The following CFAP221 variants were observed in gnomAD, a reference collection of about 807,000 sequenced individuals.
CFAP221 encodes the protein cilia and flagella associated protein 221, also known as cilia- and flagella-associated protein 221.
A neutral mutation model predicts 113.1 loss-of-function variants in CFAP221; 97 were observed. That is an observed-to-expected ratio of 0.86 (90% CI 0.73 to 1.02). CFAP221 has a LOEUF of 1.02. Among genes scored for constraint, CFAP221 ranks in the 50% least tolerant of loss-of-function variants. CFAP221 has a pLI of 0.00. For missense variants in CFAP221, 1,025 were observed against 1,013.4 expected (o/e 1.01, Z -0.16); for synonymous variants, 331 against 354.4 (o/e 0.93, Z 0.74).
chr2:119,630,802 G>C lies in CFAP221; in HGVS notation c.1875G>C (p.Gln625His). 6.2e-7 allele frequency: 1 copy of C among 1,613,222 alleles called. No individual in the cohort carries two copies. The highest frequency in any genetic ancestry group is 8.5e-7 in the Non-Finnish European group (1 of 1,179,282). The stretch of plus-strand genomic sequence containing the variant: ...CCACCATCACAGCCCTTCCGAAACA[G>C]GACTCCACAACTCAGCTCTCTGGCA... Reference protein sequence around the residue: ...EVTTITALPKQDSTTQLSGKT... With the variant: ...EVTTITALPKHDSTTQLSGKT... The change falls in exon 19 of 24, where the codon CAG becomes CAC. Residue 625 changes from glutamine to histidine, a missense_variant. Transcript: ENST00000413369.
At chr2:119,601,132 G>C in intron 7 of CFAP221, 86 bp from the exon 8 acceptor site, 1 of 1,275,672 alleles carries the variant, frequency 7.8e-7, no homozygotes, top group Non-Finnish European at 1.0e-6. Context: ...TTGTCAGAGG[G>C]TCAGCCATAT....
At chr2:119,615,849 C>G (rs1685486841) in intron 14 of CFAP221, 140 bp downstream of exon 14, 1 of 607,210 alleles carries the variant, frequency 1.6e-6, no homozygotes, top group African/African-American at 1.9e-5. Context: ...GTACATCAGT[C>G]ATTTTTAGTA....
intron 6 of CFAP221, among the ~76,000 whole-genome samples, chr2:119,570,497 A>C (rs1240230582): frequency 6.6e-6 from 1 of 152,142 alleles, no homozygotes; most frequent in Non-Finnish European, 1.5e-5. Context: ...TAACCCCCCC[A>C]AAAAAACCCA....
At chr2:119,618,742 T>C (rs1685690564) in intron 14 of CFAP221, among the ~76,000 whole-genome samples, 1 of 151,958 alleles carries the variant, frequency 6.6e-6, no homozygotes, top group African/African-American at 2.4e-5. Flanking sequence ...ACAGAACCAC[T>C]CACTCCCCTG....
rs943656418 is a variant in CFAP221, at chr2:119,631,113, T to C, written c.1974+212T>C. On this transcript the variant is annotated intron_variant, in intron 19 of 23. Coordinates refer to ENST00000413369, the MANE Select transcript of CFAP221 (RefSeq NM_001271049.2). ...GCAATTCCTGCATTTTTAATGAAAATAATTTTATGATCTTTTCTAAATATC... is the reference window on the plus strand; with the variant it reads ...GCAATTCCTGCATTTTTAATGAAAACAATTTTATGATCTTTTCTAAATATC... 1.6e-5 allele frequency: 20 copies of C among 1,224,818 alleles called. No homozygotes were observed. The African/African-American group carries it at 2.8e-4, about 17-fold the overall frequency. The allele number at this position is 1,224,818 out of a possible 1,614,324, so 75.9% of individuals were successfully genotyped here. A position where few individuals can be genotyped will look rare whatever the true frequency, so the allele number is the denominator to read the frequency against.
At chr2:119,648,423 A>G (rs749016266) in intron 22 of CFAP221, 5 of 276,594 alleles carry the variant, frequency 1.8e-5, no homozygotes, top group South Asian at 6.4e-5. Context: ...TTGATTTTTC[A>G]TGTCTTTGGG....
intron 21 of CFAP221, among the ~76,000 whole-genome samples, chr2:119,646,649 T>G (rs1687830138): frequency 6.6e-6 from 1 of 152,038 alleles, no homozygotes; most frequent in South Asian, 2.1e-4. Flanking sequence ...CCAAACCATA[T>G]CAGTATCTAA....
intron 23 of CFAP221, among the ~76,000 whole-genome samples, chr2:119,654,684 C>T (rs956088605): frequency 6.6e-6 from 1 of 152,190 alleles, no homozygotes; most frequent in Non-Finnish European, 1.5e-5. Context: ...ACATTTTCTG[C>T]ACACCAAGTC....
At chr2:119,643,127 C>A (rs879434016) in intron 21 of CFAP221, among the ~76,000 whole-genome samples, 3 of 152,142 alleles carry the variant, frequency 2.0e-5, no homozygotes, top group Non-Finnish European at 2.9e-5. Context: ...GGGGAGAACA[C>A]AAAATTCAGT....
downstream of CFAP221, among the ~76,000 whole-genome samples, chr2:119,657,630 G>A (rs1176124109): frequency 6.6e-6 from 1 of 152,174 alleles, no homozygotes; most frequent in East Asian, 1.9e-4. Context: ...TCAGAAACAG[G>A]AAATTACAAT....
chr2:119,620,933 AG>A (rs1685867332), intron 14 of CFAP221, among the ~76,000 whole-genome samples: 1 of 151,788 alleles, frequency 6.6e-6, no homozygotes, highest in Non-Finnish European at 1.5e-5. Flanking sequence ...AAAAAAAAAA[AG>A]CAGGGGTTGG....
chr2:119,627,572 G>T, intron 15 of CFAP221, 81 bp from the exon 16 acceptor site: 1 of 1,395,304 alleles, frequency 7.2e-7, no homozygotes. Context: ...TTGGTATATG[G>T]AAAATATGCA....
rs374305983 is a variant in CFAP221 at position 119,630,569 on chromosome 2, G to T, written c.1732-1G>T. On this transcript the variant is annotated splice_acceptor_variant, in intron 17 of 23. Transcript: ENST00000413369. LOFTEE classifies it high-confidence loss of function. ...GATTTTCAATCTTCTTTCACCTTCA[G>T]GTTCCTCAACTGTACAAAATTAAGA... 6.3e-6 allele frequency: 10 copies of T among 1,596,728 alleles called. No individual in the cohort carries two copies. The highest frequency in any genetic ancestry group is 5.2e-6 in the Non-Finnish European group (6 of 1,164,914).
intron 22 of CFAP221, among the ~76,000 whole-genome samples, chr2:119,651,526 A>G (rs1033415031): frequency 3.9e-5 from 6 of 151,942 alleles, no homozygotes; most frequent in African/African-American, 1.5e-4. Flanking sequence ...ATTTAGCAAT[A>G]TAGTGTTTAA....
chr2:119,638,115 GCT>G, intron 19 of CFAP221, 142 bp from the exon 20 acceptor site: 1 of 746,974 alleles, frequency 1.3e-6, no homozygotes, highest in Non-Finnish European at 2.1e-6. Context: ...CTGCTCTCCT[GCT>G]TCTCTTTTCC....
downstream of CFAP221, chr2:119,656,803 A>C (rs1375603397): frequency 5.3e-6 from 1 of 187,580 alleles, no homozygotes; most frequent in Non-Finnish European, 1.1e-5. Context: ...GGTTTTGGGG[A>C]GGGGATGCTC....
chr2:119,586,273 C>A (rs1238030573), intron 6 of CFAP221, among the ~76,000 whole-genome samples: 1 of 152,070 alleles, frequency 6.6e-6, no homozygotes. Context: ...CAAGGGGACC[C>A]AATAACCTGC....
rs1686703193 is a variant in CFAP221 at position 119,630,621 on chromosome 2, T to A, written c.1783T>A (p.Ser595Thr). The change falls in exon 18 of 24, where the codon TCT (serine) becomes ACT (threonine). Residue 595 changes from serine (S) to threonine (T), a missense_variant. Physicochemically the swap from Ser to Thr is moderately conservative, Grantham distance 58. Coordinates refer to ENST00000413369, the MANE Select transcript of CFAP221 (RefSeq NM_001271049.2). ...KRYQPFSVHK[S>T]STSYRPQKLA... is the part of the protein sequence containing the mutation. ...ATATCAGCCATTCTCTGTCCACAAG[T>A]CTTCAACAAGTTACAGACCTCAAAA... The A allele has an allele frequency of 6.2e-7, 1 of 1,614,028 alleles. No individual in the cohort carries two copies. The highest frequency in any genetic ancestry group is 8.5e-7 in the Non-Finnish European group (1 of 1,179,892).
chr2:119,551,369 T>C (rs1680412484), intron 3 of CFAP221, among the ~76,000 whole-genome samples: 1 of 152,224 alleles, frequency 6.6e-6, no homozygotes, highest in Admixed American at 6.5e-5. Flanking sequence ...AAAGACTTAC[T>C]CCTGTGTTTT....
Sources: gnomAD v4.1 joint callset for allele counts (sites outside exome capture counted in the v4.1 genomes callset) on GRCh38, gnomAD v4.1.1 for gene constraint, MANE v1.5 for transcripts, NCBI Gene and HGNC (gene_info 2026-07-23, HGNC 2026-07-21) for gene names.